ATRNL1: variants seen among roughly 807,000 people sequenced by gnomAD.
The protein encoded by ATRNL1 is attractin like 1.
Under a neutral mutation model 182.7 loss-of-function variants are expected in ATRNL1, and 95 were observed. The observed-to-expected ratio is 0.52, with a 90% CI of 0.44 to 0.62. ATRNL1 has a LOEUF of 0.62. Among genes scored for constraint, ATRNL1 ranks in the 20% least tolerant of loss-of-function variants. The probability of loss-of-function intolerance (pLI) is 0.00; values close to 1 mark genes in which losing one functional copy is unlikely to be tolerated. For synonymous variants in ATRNL1, 576 were observed against 568.3 expected (o/e 1.01, Z -0.19); for missense variants, 1,471 against 1,679.5 (o/e 0.88, Z 2.17).
chr10:115,433,013 T>C (rs1280264667), intron 21 of ATRNL1, among the ~76,000 whole-genome samples: 1 of 152,062 alleles, frequency 6.6e-6, no homozygotes, highest in Non-Finnish European at 1.5e-5. Flanking sequence ...ACATGTAATT[T>C]GCAATGCTCA....
At chr10:115,161,823 A>T (rs570465568) in intron 6 of ATRNL1, among the ~76,000 whole-genome samples, 1 of 152,102 alleles carries the variant, frequency 6.6e-6, no homozygotes, top group Non-Finnish European at 1.5e-5. Context: ...AATGTAGTTC[A>T]ATTGTAGGTA....
At position 115,469,277 on chromosome 10, in the gene ATRNL1, A is replaced by G. The variant is rs1848198699; in HGVS notation, c.3602A>G (p.Asn1201Ser). ...YEKFNFRSNP[N>S]ITFYVYVSNF... ...AAATTTAACTTTAGAAGCAATCCTA[A>G]CATTACATTCTATGTGTACGTCAGC... Residue 1201 changes from asparagine to serine, a missense_variant, in exon 24 of 29, where the codon AAC becomes AGC. By Grantham distance (46) the Asn-to-Ser change is conservative. Around this residue, in one of 3 missense-constraint regions of ATRNL1, gnomAD observed 437 missense variants for 506.0 expected, o/e 0.86. Coordinates refer to ENST00000355044, the MANE Select transcript of ATRNL1 (RefSeq NM_207303.4). 1.3e-6 allele frequency: 2 copies of G among 1,537,908 alleles called. No homozygotes were observed. The highest frequency in any genetic ancestry group is 1.4e-5 in the African/African-American group (1 of 69,828).
intron 19 of ATRNL1, among the ~76,000 whole-genome samples, chr10:115,391,018 T>C (rs1443227680): frequency 1.3e-5 from 2 of 152,224 alleles, no homozygotes; most frequent in Non-Finnish European, 2.9e-5. Flanking sequence ...TTTACTGAAC[T>C]TCTGTATCAG....
At chr10:115,307,588 G>T (rs1008738319) in intron 17 of ATRNL1, among the ~76,000 whole-genome samples, 1 of 152,268 alleles carries the variant, frequency 6.6e-6, no homozygotes, top group Non-Finnish European at 1.5e-5. Context: ...TATACACCCT[G>T]TGTGTCGTTG....
At chr10:115,501,216 G>A (rs1002011410) in intron 24 of ATRNL1, among the ~76,000 whole-genome samples, 22 of 152,246 alleles carry the variant, frequency 1.4e-4, no homozygotes, top group African/African-American at 4.8e-4. Context: ...TTACAGGCGT[G>A]AGCCACTGCG....
chr10:115,929,727 T>G (rs1953340112), intron 28 of ATRNL1, among the ~76,000 whole-genome samples: 1 of 152,170 alleles, frequency 6.6e-6, no homozygotes, highest in Non-Finnish European at 1.5e-5. Context: ...TTTCAAAATG[T>G]CAGCAGTGAT....
At chr10:115,688,433 A>G (rs1946288285) in intron 26 of ATRNL1, among the ~76,000 whole-genome samples, 1 of 152,076 alleles carries the variant, frequency 6.6e-6, no homozygotes, top group Non-Finnish European at 1.5e-5. Flanking sequence ...CCCACCAACA[A>G]CATATGAGTT....
chr10:115,470,801 C>T (rs1312840004), intron 24 of ATRNL1, among the ~76,000 whole-genome samples: 9 of 150,540 alleles, frequency 6.0e-5, no homozygotes, highest in South Asian at 2.1e-4. Context: ...GGACAAGATA[C>T]GTAGGCCTAA....
chr10:115,549,384 C>T (rs977703550), intron 25 of ATRNL1, 74 bp from the exon 26 acceptor site: 1 of 1,001,100 alleles, frequency 1.0e-6, no homozygotes, highest in Non-Finnish European at 1.4e-6. Flanking sequence ...GTATTTGAGT[C>T]TTTCATGTAC....
chr10:115,404,362 C>T lies in ATRNL1; in HGVS notation c.3269+9610C>T, dbSNP rs143322928. Among the ~76,000 whole-genome samples the T allele has an allele frequency of 4.8e-3, 737 of 152,282 alleles. 7 individuals are homozygous for T. The highest frequency in any genetic ancestry group is 8.6e-3 in the Non-Finnish European group (586 of 68,022). On this transcript the variant is annotated intron_variant, in intron 20 of 28. Transcript: ENST00000355044. ...CTCTGTCCGGTAGACAGAAGTAACA[C>T]CCACCACTTCTAGGCCTGGCTCTTA...
At chr10:115,727,998 G>A (rs1206568917) in intron 27 of ATRNL1, among the ~76,000 whole-genome samples, 2 of 151,282 alleles carry the variant, frequency 1.3e-5, no homozygotes, top group African/African-American at 2.4e-5. Flanking sequence ...AAATTCGGCC[G>A]GGCGCGGTGG....
In ATRNL1 at chr10:115,630,845, C is replaced by G. The variant is rs868925029; in HGVS notation, c.3795+81309C>G. ...TGTATTATACACACACACACACACACACACACACACACACACACACACACA... is the reference window on the plus strand; with the variant it reads ...TGTATTATACACACACACACACACAGACACACACACACACACACACACACA... On this transcript the variant is annotated intron_variant, in intron 26 of 28. Coordinates refer to ENST00000355044, the MANE Select transcript of ATRNL1 (RefSeq NM_207303.4). Among the ~76,000 whole-genome samples the G allele has an allele frequency of 4.1e-3, 570 of 140,408 alleles. 4 individuals are homozygous for G. The highest frequency in any genetic ancestry group is 0.016 in the African/African-American group (550 of 34,958). 92.1% of individuals were successfully genotyped at this position (140,408 alleles called of 152,430 possible).
At chr10:115,792,059 C>T (rs1398263198) in intron 27 of ATRNL1, among the ~76,000 whole-genome samples, 1 of 152,016 alleles carries the variant, frequency 6.6e-6, no homozygotes, top group Non-Finnish European at 1.5e-5. Context: ...AGATTTATTC[C>T]AAAGATTTCA....
At chr10:115,098,194 A>G (rs1385816439) in intron 1 of ATRNL1, among the ~76,000 whole-genome samples, 3 of 152,174 alleles carry the variant, frequency 2.0e-5, no homozygotes, top group Non-Finnish European at 4.4e-5. Context: ...CTTAGATTCT[A>G]AATTGATAAG....
chr10:115,301,720 A>G (rs1853477415), intron 16 of ATRNL1, 135 bp from the exon 17 acceptor site: 3 of 614,660 alleles, frequency 4.9e-6, no homozygotes, highest in South Asian at 8.3e-5. Flanking sequence ...CTTTGTTTTT[A>G]TCTACCTCAT....
chr10:115,902,401 A>C (rs549769730), intron 28 of ATRNL1, among the ~76,000 whole-genome samples: 81 of 152,286 alleles, frequency 5.3e-4, no homozygotes, highest in African/African-American at 1.9e-3. Flanking sequence ...TGGATGGCCA[A>C]AATTTATTTC....
At chr10:115,443,216 T>A (rs1554966082) in intron 21 of ATRNL1, among the ~76,000 whole-genome samples, 1 of 152,032 alleles carries the variant, frequency 6.6e-6, no homozygotes, top group Admixed American at 6.6e-5. Context: ...CATCAAATTA[T>A]TCTGTTGATG....
intron 18 of ATRNL1, among the ~76,000 whole-genome samples, chr10:115,320,588 T>C (rs1412768700): frequency 5.3e-5 from 8 of 152,190 alleles, no homozygotes; most frequent in African/African-American, 1.9e-4. Flanking sequence ...GCTTTGTTTC[T>C]TTTCATTCTT....
intron 21 of ATRNL1, among the ~76,000 whole-genome samples, chr10:115,431,443 A>C (rs1484280388): frequency 6.6e-6 from 1 of 151,602 alleles, no homozygotes; most frequent in Non-Finnish European, 1.5e-5. Context: ...ATAATATTCC[A>C]ATTTCTTCTT....
Sources: allele counts gnomAD v4.1 joint callset (sites outside exome capture counted in the v4.1 genomes callset), GRCh38; gene constraint gnomAD v4.1.1; regional missense constraint gnomAD v4.1.1; transcripts MANE v1.5; gene names NCBI Gene and HGNC (gene_info 2026-07-23, HGNC 2026-07-21).